Variants in VPS45 observed in about 807,000 individuals in gnomAD.
VPS45 encodes vacuolar protein sorting-associated protein 45.
A neutral mutation model predicts 75.9 loss-of-function variants in VPS45; 35 were observed. The ratio of observed to expected loss-of-function variants is 0.46; its 90% CI spans 0.35 to 0.61. VPS45 has a LOEUF of 0.61. Among genes scored for constraint, VPS45 ranks in the 20% least tolerant of loss-of-function variants. The pLI, the probability that VPS45 is intolerant of heterozygous loss-of-function variation, is 0.00. For missense variants in VPS45, 559 were observed against 685.9 expected (o/e 0.81, Z 2.07); for synonymous variants, 220 against 238.2 (o/e 0.92, Z 0.70).
At chr1:150,107,663 G>C (rs6694729) in intron 13 of VPS45, among the ~76,000 whole-genome samples, 40,043 of 152,020 alleles carry the variant, frequency 0.26, 7,988 homozygotes, top group African/African-American at 0.56. Context: ...TTTGGGAGGC[G>C]AAGGCTGGCA....
chr1:150,139,845 G>A (rs587638005), intron 14 of VPS45, among the ~76,000 whole-genome samples: 6 of 152,276 alleles, frequency 3.9e-5, no homozygotes, highest in South Asian at 4.2e-4. Flanking sequence ...GATTATAGGC[G>A]TGAGCCACCA....
At chr1:150,110,266 T>C in intron 13 of VPS45, 1 of 415,914 alleles carries the variant, frequency 2.4e-6, no homozygotes, top group Non-Finnish European at 4.3e-6. Context: ...GCACAGAAAT[T>C]ATAAGACATC....
rs149379298 is a variant in VPS45 at position 150,091,216 on chromosome 1, T to C, written c.1105-721T>C. Reference sequence around the variant, plus strand: ...GGACAGGAATTGTCTTTAACTTATCTGTGTGCCTGCAACAGTGCATGACAT... The same window carrying C: ...GGACAGGAATTGTCTTTAACTTATCCGTGTGCCTGCAACAGTGCATGACAT... On this transcript the variant is annotated intron_variant, in intron 10 of 14. Coordinates refer to ENST00000644510, the MANE Select transcript of VPS45 (RefSeq NM_007259.5). 2.5e-3 allele frequency among the ~76,000 whole-genome samples: 377 copies of C among 152,354 alleles called. 3 individuals are homozygous for C. Among genetic ancestry groups the C allele is most frequent in the African/African-American group, 8.6e-3 (356 of 41,576 alleles).
chr1:150,144,844 A>G lies in VPS45; in HGVS notation c.*48A>G. 1 of 1,612,718 alleles carries G rather than the reference A, an allele frequency of 6.2e-7. No individual in the cohort carries two copies. Among genetic ancestry groups the G allele is most frequent in the Non-Finnish European group, 8.5e-7 (1 of 1,179,588 alleles). ...CAGCTTCCTCTCTTGTCCCCACTAC[A>G]GGTTTTCCCTACTAAACAAAGGTGT... On this transcript the variant is annotated 3_prime_UTR_variant, in exon 15 of 15. Coordinates refer to ENST00000644510, the MANE Select transcript of VPS45 (RefSeq NM_007259.5).
At chr1:150,114,569 ACT>A (rs1657821808) in intron 14 of VPS45, among the ~76,000 whole-genome samples, 2 of 79,096 alleles carry the variant, frequency 2.5e-5, no homozygotes, top group Non-Finnish European at 4.6e-5. Flanking sequence ...ATATAGAGTG[ACT>A]CTGTTTCTAA....
At chr1:150,072,905 G>C (rs973678328) in intron 3 of VPS45, among the ~76,000 whole-genome samples, 2 of 151,848 alleles carry the variant, frequency 1.3e-5, no homozygotes, top group Non-Finnish European at 2.9e-5. Context: ...GAAGTGGGAA[G>C]GTAATACTTG....
At chr1:150,140,082 C>A (rs1659303938) in intron 14 of VPS45, among the ~76,000 whole-genome samples, 1 of 152,018 alleles carries the variant, frequency 6.6e-6, no homozygotes, top group African/African-American at 2.4e-5. Flanking sequence ...TTAGTAGAGA[C>A]AGGGTTTCAC....
At chr1:150,109,679 TCTC>T (rs1485843587) in intron 13 of VPS45, 1 of 152,190 alleles carries the variant, frequency 6.6e-6, no homozygotes, top group African/African-American at 2.4e-5. Context: ...AATAATTTGA[TCTC>T]CTTCTTGGTG....
intron 10 of VPS45, among the ~76,000 whole-genome samples, chr1:150,084,890 G>A (rs1189289512): frequency 6.6e-6 from 1 of 151,930 alleles, no homozygotes; most frequent in African/African-American, 2.4e-5. Flanking sequence ...CTTTGTAAAT[G>A]TTAGTTCCCT....
intron 10 of VPS45, among the ~76,000 whole-genome samples, chr1:150,087,276 G>A (rs1160705549): frequency 6.6e-6 from 1 of 151,912 alleles, no homozygotes; most frequent in Non-Finnish European, 1.5e-5. Flanking sequence ...CCTTGATTAC[G>A]CCCACACAAA....
At chr1:150,082,661 C>T in intron 9 of VPS45, 55 bp from the exon 10 acceptor site, 1 of 1,583,054 alleles carries the variant, frequency 6.3e-7, no homozygotes, top group Non-Finnish European at 8.6e-7. Flanking sequence ...TCAGTACATG[C>T]TTATCCTCAG....
chr1:150,093,947 T>C (rs1656485008), intron 13 of VPS45, among the ~76,000 whole-genome samples: 1 of 152,246 alleles, frequency 6.6e-6, no homozygotes, highest in Admixed American at 6.5e-5. Context: ...ATCTGGCATT[T>C]GGTGTTTCAA....
At chr1:150,074,012 T>G (rs113169871) in intron 3 of VPS45, among the ~76,000 whole-genome samples, 6,006 of 24,598 alleles carry the variant, frequency 0.24, 415 homozygotes, top group African/African-American at 0.33. Context: ...TGTGTGTTGT[T>G]TTTGTTTTTT....
intron 13 of VPS45, among the ~76,000 whole-genome samples, chr1:150,102,235 CAA>C (rs1208831311): frequency 6.3e-5 from 6 of 94,668 alleles, no homozygotes; most frequent in Non-Finnish European, 1.9e-5. Context: ...GAGACTCCGT[CAA>C]AAAAAAAAAA....
upstream of VPS45, chr1:150,067,456 C>T (rs781890424): frequency 7.7e-5 from 15 of 195,262 alleles, no homozygotes; most frequent in Non-Finnish European, 1.3e-4. Context: ...CGTAGCCACA[C>T]TCCGTCGTTC....
At chr1:150,128,214 A>C (rs1658617173) in intron 14 of VPS45, among the ~76,000 whole-genome samples, 1 of 151,738 alleles carries the variant, frequency 6.6e-6, no homozygotes, top group Non-Finnish European at 1.5e-5. Flanking sequence ...AGATGGGAGG[A>C]TAGCTTGAGC....
At chr1:150,076,831 T>C in intron 4 of VPS45, 85 bp from the exon 5 acceptor site, 1 of 1,482,558 alleles carries the variant, frequency 6.7e-7, no homozygotes, top group Non-Finnish European at 9.4e-7. Context: ...AGTTTGGCTA[T>C]ATCATATTAT....
At chr1:150,076,646 G>T in intron 4 of VPS45, 1 of 509,530 alleles carries the variant, frequency 2.0e-6, no homozygotes, top group Non-Finnish European at 3.4e-6. Context: ...TTTACTAATT[G>T]ATAAGTATGC....
chr1:150,092,480 A>G, intron 12 of VPS45, 71 bp downstream of exon 12: 3 of 1,260,372 alleles, frequency 2.4e-6, no homozygotes, highest in South Asian at 1.4e-5. Flanking sequence ...GTGAATGAAT[A>G]TGATCTTCAA....
Sources: gnomAD v4.1 joint callset for allele counts (sites outside exome capture counted in the v4.1 genomes callset) on GRCh38, gnomAD v4.1.1 for gene constraint, MANE v1.5 for transcripts, NCBI Gene and HGNC (gene_info 2026-07-23, HGNC 2026-07-21) for gene names.